The following UBASH3B variants were observed in gnomAD, a reference collection of about 807,000 sequenced individuals.
The protein encoded by UBASH3B is ubiquitin-associated and SH3 domain-containing protein B.
Under a neutral mutation model 83.4 loss-of-function variants are expected in UBASH3B, and 37 were observed. The observed-to-expected ratio is 0.44, with a 90% CI of 0.34 to 0.58. The LOEUF (loss-of-function observed/expected upper bound fraction) is 0.58. Among genes scored for constraint, UBASH3B ranks in the 20% least tolerant of loss-of-function variants. The pLI is 0.01. For missense variants in UBASH3B, 657 were observed against 827.2 expected (o/e 0.79, Z 2.52); for synonymous variants, 304 against 318.3 (o/e 0.96, Z 0.48).
chr11:122,706,829 C>T (rs373514845), intron 1 of UBASH3B, among the ~76,000 whole-genome samples: 1 of 152,176 alleles, frequency 6.6e-6, no homozygotes, highest in Non-Finnish European at 1.5e-5. Flanking sequence ...CAGAAGATTG[C>T]ACCATTCTAG....
chr11:122,695,816 C>G (rs1373553239), intron 1 of UBASH3B, among the ~76,000 whole-genome samples: 1 of 152,076 alleles, frequency 6.6e-6, no homozygotes, highest in Non-Finnish European at 1.5e-5. Context: ...CCAGCCATGC[C>G]CAAAGTGGTT....
intron 1 of UBASH3B, among the ~76,000 whole-genome samples, chr11:122,714,942 G>A (rs1173073335): frequency 2.6e-5 from 4 of 152,120 alleles, no homozygotes; most frequent in Non-Finnish European, 5.9e-5. Context: ...TAAATTTTTT[G>A]TTGTTGTTCT....
At chr11:122,714,042 C>T (rs1449360464) in intron 1 of UBASH3B, among the ~76,000 whole-genome samples, 2 of 152,160 alleles carry the variant, frequency 1.3e-5, no homozygotes, top group South Asian at 2.1e-4. Flanking sequence ...AGACACTTGC[C>T]GTGACCCCTC....
chr11:122,777,112 C>A lies in UBASH3B; in HGVS notation c.304C>A (p.Gln102Lys), dbSNP rs373509734. 15 of 1,614,064 alleles carry A rather than the reference C, an allele frequency of 9.3e-6. No homozygotes were observed. Among genetic ancestry groups the A allele is most frequent in the African/African-American group, 2.7e-5 (2 of 74,940 alleles). The part of the protein sequence containing the change: ...LYLRPTGPLA[Q>K]KLSDFWQQSK... The stretch of plus-strand genomic sequence containing the variant: ...CCTCCGTCCCACCGGCCCCTTAGCA[C>A]AGAAGCTTTCCGACTTTTGGCAGCA... The change falls in exon 3 of 14, where the codon CAG becomes AAG. Residue 102 changes from glutamine to lysine, a missense_variant. Transcript: ENST00000284273.
intron 1 of UBASH3B, among the ~76,000 whole-genome samples, chr11:122,712,093 G>A (rs1443299629): frequency 6.6e-6 from 1 of 151,628 alleles, no homozygotes; most frequent in African/African-American, 2.4e-5. Flanking sequence ...GGGCACTAGG[G>A]GGAAAAAACT....
chr11:122,757,976 G>A (rs1245101662), intron 1 of UBASH3B, among the ~76,000 whole-genome samples: 3 of 152,018 alleles, frequency 2.0e-5, no homozygotes, highest in African/African-American at 7.3e-5. Context: ...AAAGTGCTGG[G>A]ATTACAGGCG....
intron 1 of UBASH3B, among the ~76,000 whole-genome samples, chr11:122,681,010 G>C (rs1863731199): frequency 1.3e-5 from 2 of 152,138 alleles, no homozygotes; most frequent in African/African-American, 4.8e-5. Context: ...TTCAATACCT[G>C]AAATAAGATA....
chr11:122,672,864 G>A (rs1274687836), intron 1 of UBASH3B, among the ~76,000 whole-genome samples: 1 of 152,100 alleles, frequency 6.6e-6, no homozygotes. Flanking sequence ...GGACCAGGCT[G>A]GGCCAGCCTG....
chr11:122,712,782 CAGG>C (rs1388801837), intron 1 of UBASH3B, among the ~76,000 whole-genome samples: 8 of 151,438 alleles, frequency 5.3e-5, no homozygotes, highest in Middle Eastern at 3.4e-3. Context: ...GTTACATTTG[CAGG>C]AGAAGAGGGG....
intron 3 of UBASH3B, among the ~76,000 whole-genome samples, chr11:122,777,977 A>G (rs555755297): frequency 1.1e-4 from 17 of 151,630 alleles, no homozygotes; most frequent in Admixed American, 6.6e-4. Flanking sequence ...TGATCCGCCC[A>G]CCTCAGCCTC....
intron 1 of UBASH3B, among the ~76,000 whole-genome samples, chr11:122,718,386 G>A (rs1164993575): frequency 6.6e-6 from 1 of 152,174 alleles, no homozygotes; most frequent in Non-Finnish European, 1.5e-5. Flanking sequence ...CATGGCATTG[G>A]GTACTAGTGT....
chr11:122,727,894 A>G (rs1945397), intron 1 of UBASH3B, among the ~76,000 whole-genome samples: 49,330 of 152,108 alleles, frequency 0.32, 9,214 homozygotes, highest in Middle Eastern at 0.49. Flanking sequence ...CAGCTGGGCC[A>G]GATGGCAGCA....
At chr11:122,796,794 C>T (rs1861164147) in intron 8 of UBASH3B, 117 bp from the exon 9 acceptor site, 1 of 1,357,480 alleles carries the variant, frequency 7.4e-7, no homozygotes, top group Non-Finnish European at 1.0e-6. Flanking sequence ...CTCCAGAGAG[C>T]TCAGTGTGAT....
At chr11:122,681,309 A>C (rs1182633474) in intron 1 of UBASH3B, among the ~76,000 whole-genome samples, 1 of 152,176 alleles carries the variant, frequency 6.6e-6, no homozygotes, top group South Asian at 2.1e-4. Context: ...ATTTCTACAT[A>C]CATAGCCCCA....
intron 1 of UBASH3B, among the ~76,000 whole-genome samples, chr11:122,697,807 A>T (rs1863981595): frequency 6.6e-6 from 1 of 152,210 alleles, no homozygotes; most frequent in Non-Finnish European, 1.5e-5. Context: ...ACAGCAACTT[A>T]GAATAAAGAA....
chr11:122,795,483 A>T (rs1441782659), intron 7 of UBASH3B, among the ~76,000 whole-genome samples: 2 of 152,228 alleles, frequency 1.3e-5, no homozygotes, highest in Admixed American at 1.3e-4. Context: ...TGCATCAGAA[A>T]GACGGAATGC....
intron 1 of UBASH3B, among the ~76,000 whole-genome samples, chr11:122,661,644 T>TA (rs1863439846): frequency 6.6e-6 from 1 of 152,310 alleles, no homozygotes; most frequent in African/African-American, 2.4e-5. Context: ...TTATACACTG[T>TA]AAAAATTGCT....
chr11:122,810,261 C>G lies in UBASH3B; in HGVS notation c.*375C>G, dbSNP rs973644211. 6.0e-6 allele frequency: 1 copy of G among 166,100 alleles called. No homozygotes were observed. Among genetic ancestry groups the G allele is most frequent in the East Asian group, 1.7e-4 (1 of 5,842 alleles). The allele number at this position is 166,100 out of a possible 1,614,324, so 10.3% of individuals were successfully genotyped here. ...TGCAAGAGGAAGGAGTGTGCCCAGA[C>G]CAGCTGGGGGAGCATTGAAAGGACA... On this transcript the variant is annotated 3_prime_UTR_variant, in exon 14 of 14. Coordinates refer to ENST00000284273, the MANE Select transcript of UBASH3B (RefSeq NM_032873.5).
rs868338780 is a variant in UBASH3B, at chr11:122,753,369, T to C, written c.162-22850T>C. Among the ~76,000 whole-genome samples the C allele has an allele frequency of 1.5e-4, 23 of 151,882 alleles. No individual in the cohort carries two copies. The Middle Eastern group carries it at 0.01, about 68-fold the overall frequency. ...AGCAGGCTGAGGCAGGAGAATGGCTTGAACCTAGGAGGCAGAGGTTGCAGT... is the reference window on the plus strand; with the variant it reads ...AGCAGGCTGAGGCAGGAGAATGGCTCGAACCTAGGAGGCAGAGGTTGCAGT... On this transcript the variant is annotated intron_variant, in intron 1 of 13. Transcript: ENST00000284273.
Sources: gnomAD v4.1 joint callset for allele counts (sites outside exome capture counted in the v4.1 genomes callset) on GRCh38, gnomAD v4.1.1 for gene constraint, MANE v1.5 for transcripts, NCBI Gene and HGNC (gene_info 2026-07-23, HGNC 2026-07-21) for gene names.